Variants in ARHGAP22 observed in about 807,000 individuals in gnomAD.
ARHGAP22 encodes the protein Rho GTPase activating protein 22.
ARHGAP22 carries 48 observed loss-of-function variants against 59.1 expected under a neutral mutation model. The observed-to-expected ratio is 0.81, with a 90% CI of 0.64 to 1.03. The LOEUF (loss-of-function observed/expected upper bound fraction) is 1.03, where lower values mean the gene tolerates loss of function less well. Ranked by LOEUF, ARHGAP22 falls within the 50% of genes least tolerant of loss-of-function variation. The pLI, the probability that ARHGAP22 is intolerant of heterozygous loss-of-function variation, is 0.00. For missense variants in ARHGAP22, 1,015 were observed against 958.7 expected (o/e 1.06, Z -0.78); for synonymous variants, 445 against 416.4 (o/e 1.07, Z -0.84).
intron 2 of ARHGAP22, among the ~76,000 whole-genome samples, chr10:48,580,671 C>T (rs539449320): frequency 6.6e-6 from 1 of 152,234 alleles, no homozygotes; most frequent in African/African-American, 2.4e-5. Flanking sequence ...TGTTGAAGGG[C>T]CAAGGCTGGT....
chr10:48,440,627 G>A, the ARHGAP22 span, among the ~76,000 whole-genome samples: 1 of 152,158 alleles, frequency 6.6e-6, no homozygotes, highest in East Asian at 1.9e-4. Context: ...GTAGGTACAG[G>A]GAGAAATGGG....
Position 48,477,438 on chromosome 10 carries a change from A to T in ARHGAP22, c.451+2198T>A, listed in dbSNP as rs573611419. On this transcript the variant is annotated intron_variant, in intron 4 of 9. Coordinates refer to ENST00000249601, the MANE Select transcript of ARHGAP22 (RefSeq NM_021226.4). ...GTTGCTGGGCACTTGGGTTAGTGTC[A>T]GGCTATCATCAATAAGGCTGCCATG... Among the ~76,000 whole-genome samples the T allele has an allele frequency of 3.9e-5, 6 of 152,312 alleles. No homozygotes were observed. In the South Asian group the frequency reaches 1.2e-3, roughly 32 times the overall value.
chr10:48,467,175 G>T (rs952946990), intron 4 of ARHGAP22, among the ~76,000 whole-genome samples: 1 of 152,204 alleles, frequency 6.6e-6, no homozygotes, highest in Non-Finnish European at 1.5e-5. Flanking sequence ...CAGTCTGAGG[G>T]GTATTAGCTT....
chr10:48,614,748 G>T (rs527663634), intron 1 of ARHGAP22, among the ~76,000 whole-genome samples: 17 of 152,298 alleles, frequency 1.1e-4, no homozygotes, highest in African/African-American at 3.9e-4. Flanking sequence ...TCCCATTCCA[G>T]CTCTCCAATA....
intron 1 of ARHGAP22, among the ~76,000 whole-genome samples, chr10:48,614,028 G>T (rs11817962): frequency 0.18 from 26,902 of 152,028 alleles, 2,673 homozygotes; most frequent in East Asian, 0.28. Context: ...CTCACCAGAT[G>T]CTGGTGCCAT....
intron 1 of ARHGAP22, among the ~76,000 whole-genome samples, chr10:48,651,676 C>T (rs972247342): frequency 6.6e-6 from 1 of 152,158 alleles, no homozygotes; most frequent in Non-Finnish European, 1.5e-5. Flanking sequence ...CGAGCACCTG[C>T]CTGTGACCCA....
chr10:48,646,524 C>T (rs75692597), intron 1 of ARHGAP22, among the ~76,000 whole-genome samples: 6,660 of 152,142 alleles, frequency 0.044, 429 homozygotes, highest in African/African-American at 0.15. Context: ...AGAAGTAAAC[C>T]CCAATATTTG....
At chr10:48,622,481 T>C (rs896841229) in intron 1 of ARHGAP22, among the ~76,000 whole-genome samples, 2 of 152,226 alleles carry the variant, frequency 1.3e-5, no homozygotes, top group Non-Finnish European at 2.9e-5. Context: ...TAACTGTATA[T>C]GTTTATGGGG....
At chr10:48,447,205 C>G (rs1448797723) in intron 9 of ARHGAP22, among the ~76,000 whole-genome samples, 1 of 152,248 alleles carries the variant, frequency 6.6e-6, no homozygotes, top group Non-Finnish European at 1.5e-5. Context: ...GCCACCAGAG[C>G]CTATACCACA....
At chr10:48,433,713 A>G in the ARHGAP22 span, among the ~76,000 whole-genome samples, 1 of 152,184 alleles carries the variant, frequency 6.6e-6, no homozygotes, top group South Asian at 2.1e-4. Context: ...TTTGAAGAAA[A>G]GCTCACAGAA....
At chr10:48,481,906 T>C (rs1347296419) in intron 3 of ARHGAP22, among the ~76,000 whole-genome samples, 1 of 152,220 alleles carries the variant, frequency 6.6e-6, no homozygotes, top group Non-Finnish European at 1.5e-5. Context: ...CTGTGTGTCG[T>C]TTTTGGTGAA....
chr10:48,611,243 G>A (rs1433588402), intron 1 of ARHGAP22, among the ~76,000 whole-genome samples: 2 of 152,182 alleles, frequency 1.3e-5, no homozygotes, highest in African/African-American at 2.4e-5. Context: ...AAGCAGCTTC[G>A]GAGGGACCCT....
rs1443493051 is a variant in ARHGAP22, at chr10:48,455,648, A to G, written c.660-514T>C. Among the ~76,000 whole-genome samples, 35 of 152,174 alleles carry G rather than the reference A, an allele frequency of 2.3e-4. 1 individual carries two copies. Among genetic ancestry groups the G allele is most frequent in the Admixed American group, 2.3e-3 (35 of 15,290 alleles). ...CCATCCCAAGGTCCCCTGCAAGACG[A>G]TGTGGGAGCTGCCTGCTCTGCGGTA... On this transcript the variant is annotated intron_variant, in intron 5 of 9. Coordinates refer to ENST00000249601, the MANE Select transcript of ARHGAP22 (RefSeq NM_021226.4).
At position 48,577,007 on chromosome 10, in the gene ARHGAP22, T is replaced by A. The variant is rs142123139; in HGVS notation, c.234+5946A>T. ...GTATTTAGTGTTTATACTCCCATCC[T>A]GGGGAGTTTATTTCAAGCATTTCTC... On this transcript the variant is annotated intron_variant, in intron 2 of 9. Transcript: ENST00000249601. Among the ~76,000 whole-genome samples, 296 of 150,414 alleles carry A rather than the reference T, an allele frequency of 2.0e-3. 2 individuals are homozygous for A. In the East Asian group the frequency reaches 0.02, roughly 10 times the overall value.
At chr10:48,534,755 A>C (rs1235569165) in intron 3 of ARHGAP22, among the ~76,000 whole-genome samples, 14 of 152,228 alleles carry the variant, frequency 9.2e-5, no homozygotes, top group Non-Finnish European at 1.9e-4. Context: ...TAGTAAGCGG[A>C]AAAGTCAGAA....
intron 1 of ARHGAP22, among the ~76,000 whole-genome samples, chr10:48,628,743 C>T (rs1455586702): frequency 6.6e-6 from 1 of 152,116 alleles, no homozygotes; most frequent in East Asian, 1.9e-4. Flanking sequence ...ACAAAATGGA[C>T]CTAAACACCT....
intron 3 of ARHGAP22, among the ~76,000 whole-genome samples, chr10:48,545,564 C>T (rs373939269): frequency 6.0e-4 from 91 of 152,328 alleles, no homozygotes; most frequent in African/African-American, 2.1e-3. Flanking sequence ...CTGGCTGGTA[C>T]CAGGTGCCGA....
At chr10:48,622,543 G>T (rs924140031) in intron 1 of ARHGAP22, among the ~76,000 whole-genome samples, 1 of 152,100 alleles carries the variant, frequency 6.6e-6, no homozygotes, top group Non-Finnish European at 1.5e-5. Context: ...TCAAATCAGG[G>T]TAATTAGCAT....
chr10:48,647,422 C>T (rs2062354176), intron 1 of ARHGAP22, among the ~76,000 whole-genome samples: 1 of 152,098 alleles, frequency 6.6e-6, no homozygotes, highest in Non-Finnish European at 1.5e-5. Flanking sequence ...AATAAAAAGG[C>T]ATATGAATAG....
Sources: gnomAD v4.1 joint callset for allele counts (sites outside exome capture counted in the v4.1 genomes callset) on GRCh38, gnomAD v4.1.1 for gene constraint, MANE v1.5 for transcripts, NCBI Gene and HGNC (gene_info 2026-07-23, HGNC 2026-07-21) for gene names.